Variants in NT5C3A observed in about 807,000 individuals in gnomAD.
NT5C3A encodes the protein 5'-nucleotidase, cytosolic IIIA, also known as cytosolic 5'-nucleotidase 3A.
Under a neutral mutation model 40.0 loss-of-function variants are expected in NT5C3A, and 23 were observed. The observed-to-expected ratio is 0.58, with a 90% CI of 0.41 to 0.81. NT5C3A has a LOEUF of 0.81. Ranked by LOEUF, NT5C3A falls within the 40% of genes least tolerant of loss-of-function variation. NT5C3A has a pLI of 0.00. For missense variants in NT5C3A, 328 were observed against 403.0 expected (o/e 0.81, Z 1.59); for synonymous variants, 130 against 141.4 (o/e 0.92, Z 0.57).
chr7:33,041,069 A>G, intron 1 of NT5C3A: 1 of 985,324 alleles, frequency 1.0e-6, no homozygotes, highest in South Asian at 4.7e-5. Flanking sequence ...GCTAGTCACA[A>G]GTCAATCTAC....
intron 1 of NT5C3A, among the ~76,000 whole-genome samples, chr7:33,057,613 A>G (rs1002489127): frequency 6.6e-6 from 1 of 152,208 alleles, no homozygotes; most frequent in African/African-American, 2.4e-5. Context: ...CTACTTAAGT[A>G]ATAGTTGACA....
At chr7:33,044,801 T>C (rs1787081946) in intron 1 of NT5C3A, among the ~76,000 whole-genome samples, 1 of 152,208 alleles carries the variant, frequency 6.6e-6, no homozygotes. Flanking sequence ...AAAGATTTCT[T>C]AGAAATTCCA....
chr7:33,057,775 C>T (rs1241759945), intron 1 of NT5C3A, among the ~76,000 whole-genome samples: 3 of 151,984 alleles, frequency 2.0e-5, no homozygotes, highest in Non-Finnish European at 2.9e-5. Flanking sequence ...AGCAATAAAT[C>T]GTTGAGAGAT....
Position 33,038,212 on chromosome 7 carries a change from C to T in NT5C3A, c.139-11297G>A, listed in dbSNP as rs186353070. ...AGTACTGTAGAGTTTACAAAAATACCGCATAATCTGTGAAACATTTGAAAA... is the reference window on the plus strand; with the variant it reads ...AGTACTGTAGAGTTTACAAAAATACTGCATAATCTGTGAAACATTTGAAAA... On this transcript the variant is annotated intron_variant, in intron 1 of 8. Coordinates refer to ENST00000610140, the MANE Select transcript of NT5C3A (RefSeq NM_001002010.5). Among the ~76,000 whole-genome samples, 636 of 149,964 alleles carry T rather than the reference C, an allele frequency of 4.2e-3. 11 individuals are homozygous for T. The South Asian group carries it at 0.057, about 13-fold the overall frequency.
intron 2 of NT5C3A, 114 bp from the exon 3 acceptor site, chr7:33,024,222 A>T: frequency 1.4e-6 from 1 of 707,186 alleles, no homozygotes; most frequent in Non-Finnish European, 2.6e-6. Flanking sequence ...ACTGTGCTCA[A>T]GTCTCTGGTC....
chr7:33,043,487 T>A (rs559100386), intron 1 of NT5C3A, among the ~76,000 whole-genome samples: 22 of 152,304 alleles, frequency 1.4e-4, no homozygotes, highest in African/African-American at 4.8e-4. Context: ...CAACATCATA[T>A]AGTTGGATTG....
At chr7:33,027,717 C>T (rs1193363247) in intron 1 of NT5C3A, among the ~76,000 whole-genome samples, 2 of 152,136 alleles carry the variant, frequency 1.3e-5, no homozygotes, top group African/African-American at 4.8e-5. Context: ...GCAGCTACCC[C>T]TCGATTGATT....
At chr7:33,036,220 A>C (rs1251477476) in intron 1 of NT5C3A, 8 of 528,034 alleles carry the variant, frequency 1.5e-5, no homozygotes, top group Non-Finnish European at 2.4e-5. Context: ...ACTTAGTCCA[A>C]CTCAATGAAA....
intron 1 of NT5C3A, among the ~76,000 whole-genome samples, chr7:33,041,544 T>C (rs1786911909): frequency 6.6e-6 from 1 of 152,128 alleles, no homozygotes; most frequent in African/African-American, 2.4e-5. Flanking sequence ...ACATGATATA[T>C]GCAAATGTGG....
intron 5 of NT5C3A, among the ~76,000 whole-genome samples, chr7:33,020,214 G>A (rs1299254442): frequency 6.6e-6 from 1 of 152,084 alleles, no homozygotes; most frequent in Non-Finnish European, 1.5e-5. Context: ...TATAATCATA[G>A]CATCTCAGTA....
intron 1 of NT5C3A, among the ~76,000 whole-genome samples, chr7:33,041,948 T>C (rs533637236): frequency 1.3e-5 from 2 of 152,280 alleles, no homozygotes; most frequent in East Asian, 1.9e-4. Flanking sequence ...AGAAATCTAG[T>C]CTAGTAATAT....
chr7:33,025,569 GC>G (rs1460577391), intron 2 of NT5C3A, among the ~76,000 whole-genome samples: 2 of 151,980 alleles, frequency 1.3e-5, no homozygotes, highest in African/African-American at 2.4e-5. Context: ...CCTTAATAAG[GC>G]TGTATCTTAA....
At chr7:33,030,361 A>G (rs1040230499) in intron 1 of NT5C3A, among the ~76,000 whole-genome samples, 3 of 152,194 alleles carry the variant, frequency 2.0e-5, no homozygotes, top group Admixed American at 6.5e-5. Flanking sequence ...CCTTCTGTCT[A>G]TATCCCTCTT....
chr7:33,049,527 A>G (rs1787279546), intron 1 of NT5C3A, among the ~76,000 whole-genome samples: 2 of 152,222 alleles, frequency 1.3e-5, no homozygotes, highest in Non-Finnish European at 2.9e-5. Context: ...CCACACACAA[A>G]GAATTACAGA....
chr7:33,019,585 A>G, intron 6 of NT5C3A, 50 bp downstream of exon 6: 1 of 1,058,190 alleles, frequency 9.5e-7, no homozygotes, highest in East Asian at 2.4e-5. Context: ...ATAAATAGCA[A>G]TAATTCAAGT....
chr7:33,022,019 C>T (rs1026450566), intron 4 of NT5C3A, 34 bp downstream of exon 4: 1 of 1,278,916 alleles, frequency 7.8e-7, no homozygotes, highest in African/African-American at 1.5e-5. Context: ...GTAATGAAGT[C>T]TTTGAGTGAC....
At chr7:33,025,432 T>C (rs1273286826) in intron 2 of NT5C3A, among the ~76,000 whole-genome samples, 2 of 152,208 alleles carry the variant, frequency 1.3e-5, no homozygotes, top group African/African-American at 4.8e-5. Flanking sequence ...GGGTTAAATA[T>C]TATTTTTCAG....
At position 33,045,264 on chromosome 7, in the gene NT5C3A, A is replaced by C. The variant is rs376726002; in HGVS notation, c.138+17304T>G. ...GATTTTTTTAAACATGCAAAACATC[A>C]GTCTAGGTATGTGACTTCTCTTCAA... On this transcript the variant is annotated intron_variant, in intron 1 of 8. Transcript: ENST00000610140. 4.6e-5 allele frequency among the ~76,000 whole-genome samples: 7 copies of C among 152,352 alleles called. No homozygotes were observed. In the East Asian group the frequency reaches 9.6e-4, roughly 21 times the overall value.
At chr7:33,030,017 T>C (rs115690598) in intron 1 of NT5C3A, among the ~76,000 whole-genome samples, 2,325 of 152,202 alleles carry the variant, frequency 0.015, 61 homozygotes, top group African/African-American at 0.052. Flanking sequence ...AATGATGAAA[T>C]AGGTATAAGA....
Sources: gnomAD v4.1 joint callset for allele counts (sites outside exome capture counted in the v4.1 genomes callset) on GRCh38, gnomAD v4.1.1 for gene constraint, MANE v1.5 for transcripts, NCBI Gene and HGNC (gene_info 2026-07-23, HGNC 2026-07-21) for gene names.